Variants in DNAH6 observed in about 807,000 individuals in gnomAD.
The protein encoded by DNAH6 is dynein axonemal heavy chain 6.
DNAH6 carries 340 observed loss-of-function variants against 491.4 expected under a neutral mutation model. The observed-to-expected ratio is 0.69, with a 90% CI of 0.63 to 0.76. The LOEUF (loss-of-function observed/expected upper bound fraction) is 0.76, where lower values mean the gene tolerates loss of function less well. Among genes scored for constraint, DNAH6 ranks in the 30% least tolerant of loss-of-function variants. The pLI, the probability that DNAH6 is intolerant of heterozygous loss-of-function variation, is 0.00. For synonymous variants in DNAH6, 1,603 were observed against 1,686.1 expected (o/e 0.95, Z 1.21); for missense variants, 4,443 against 4,972.2 (o/e 0.89, Z 3.20).
intron 29 of DNAH6, among the ~76,000 whole-genome samples, chr2:84,633,304 A>G (rs1313195572): frequency 6.6e-6 from 1 of 151,924 alleles, no homozygotes; most frequent in East Asian, 1.9e-4. Flanking sequence ...GTATCTCCTA[A>G]TATTAATATC....
intron 18 of DNAH6, among the ~76,000 whole-genome samples, chr2:84,603,636 C>G (rs754654586): frequency 2.0e-5 from 3 of 152,184 alleles, no homozygotes; most frequent in South Asian, 2.1e-4. Flanking sequence ...GCTCCTCCCC[C>G]TTTTCCAGCT....
intron 48 of DNAH6, 106 bp from the exon 49 acceptor site, chr2:84,700,991 G>C: frequency 3.1e-6 from 4 of 1,280,328 alleles, no homozygotes; most frequent in Non-Finnish European, 4.3e-6. Context: ...AGGTGAAGAG[G>C]GGACTGGGCA....
At chr2:84,465,124 C>T in the DNAH6 span, among the ~76,000 whole-genome samples, 2 of 152,108 alleles carry the variant, frequency 1.3e-5, no homozygotes, top group African/African-American at 4.8e-5. Flanking sequence ...CAGAAGGCCT[C>T]GTTATGGTAA....
intron 31 of DNAH6, 25 bp from the exon 32 acceptor site, chr2:84,640,405 C>A (rs1689278165): frequency 3.0e-6 from 4 of 1,336,244 alleles, no homozygotes; most frequent in Non-Finnish European, 3.1e-6. Flanking sequence ...ATATAATAAG[C>A]ATTGCATTAT....
chr2:84,559,148 A>C (rs560480135), intron 11 of DNAH6, among the ~76,000 whole-genome samples: 2 of 152,082 alleles, frequency 1.3e-5, no homozygotes, highest in Non-Finnish European at 2.9e-5. Context: ...CAGTTAATCT[A>C]AGGAGCTGAG....
chr2:84,733,710 T>A, intron 62 of DNAH6, 131 bp downstream of exon 62: 1 of 890,904 alleles, frequency 1.1e-6, no homozygotes, highest in Non-Finnish European at 1.6e-6. Flanking sequence ...TCTAAGAAAC[T>A]GTAAATTATT....
In DNAH6 at chr2:84,707,583, A is replaced by AAGATG. The variant is rs1272068780; in HGVS notation, c.8918_8922dup (p.Gln2975MetfsTer26). 1.3e-6 allele frequency: 2 copies of AAGATG among 1,552,132 alleles called. No homozygotes were observed. The highest frequency in any genetic ancestry group is 2.4e-5 in the South Asian group (2 of 84,070). ...GCTGGAAAGCTGACAGCAGCATTAG[A>AAGATG]AGATGAGCAGGTTCGATGGGAAGAA... On this transcript the variant is annotated frameshift_variant, in exon 54 of 77. Coordinates refer to ENST00000389394, the MANE Select transcript of DNAH6 (RefSeq NM_001370.2). LOFTEE classifies it high-confidence loss of function.
Position 84,653,692 on chromosome 2 carries a change from G to A in DNAH6, c.5452G>A (p.Ala1818Thr). Residue 1818 changes from alanine (A) to threonine (T), a missense_variant, in exon 34 of 77, where the codon GCA (alanine) becomes ACA (threonine). This residue lies in a region of DNAH6 where 2,977 missense variants were observed against 3,296.6 expected (regional missense o/e 0.90). Transcript: ENST00000389394. ...CTTGGAATGGAAAGATGGTTTGATG[G>A]CACTAAGTGTCCGAGCAGCTGTGAA... ...LTLEWKDGLMALSVRAAVNDT... is the reference protein window; with the variant it reads ...LTLEWKDGLMTLSVRAAVNDT... 6.4e-7 allele frequency: 1 copy of A among 1,551,274 alleles called. No homozygotes were observed. The highest frequency in any genetic ancestry group is 8.7e-7 in the Non-Finnish European group (1 of 1,146,718).
chr2:84,815,877 A>T lies in DNAH6; in HGVS notation c.12167A>T (p.Asp4056Val). 6.4e-7 allele frequency: 1 copy of T among 1,551,034 alleles called. No homozygotes were observed. Among genetic ancestry groups the T allele is most frequent in the Non-Finnish European group, 8.7e-7 (1 of 1,146,706 alleles). Residue 4056 changes from aspartate to valine, a missense_variant, in exon 76 of 77, where the codon GAT becomes GTT. Coordinates refer to ENST00000389394, the MANE Select transcript of DNAH6 (RefSeq NM_001370.2). ...ATCTTTCAGTTGCCCTCTCCTGAGG[A>T]TGGTGTTCTTGTTCATGGGATGTTC... Reference protein sequence around the residue: ...PMDMELPSPEDGVLVHGMFMD... With the variant: ...PMDMELPSPEVGVLVHGMFMD...
chr2:84,805,055 C>T (rs755902132), intron 70 of DNAH6, among the ~76,000 whole-genome samples: 1 of 152,060 alleles, frequency 6.6e-6, no homozygotes, highest in African/African-American at 2.4e-5. Context: ...TAAAGCAATC[C>T]CTTTTGGGCT....
intron 49 of DNAH6, among the ~76,000 whole-genome samples, chr2:84,703,053 A>T (rs1000480010): frequency 5.3e-5 from 8 of 152,144 alleles, no homozygotes; most frequent in African/African-American, 1.9e-4. Context: ...GCCTCCAGGG[A>T]TTCACATCTG....
intron 33 of DNAH6, among the ~76,000 whole-genome samples, chr2:84,651,743 C>CT (rs1434130489): frequency 6.6e-6 from 1 of 152,022 alleles, no homozygotes; most frequent in Non-Finnish European, 1.5e-5. Context: ...TCAGAGTCTT[C>CT]TTTTATTTAT....
chr2:84,703,649 TTA>T (rs1696148207), intron 50 of DNAH6, 87 bp downstream of exon 50: 2 of 1,166,038 alleles, frequency 1.7e-6, no homozygotes, highest in Non-Finnish European at 2.3e-6. Context: ...GATTTTTTTA[TTA>T]TATATGTTAT....
chr2:84,495,859 T>C, the DNAH6 span, among the ~76,000 whole-genome samples: 1 of 152,200 alleles, frequency 6.6e-6, no homozygotes, highest in Non-Finnish European at 1.5e-5. Flanking sequence ...GAGAGGTGAT[T>C]GGTCACAGAC....
At chr2:84,765,261 G>T (rs1674970289) in intron 64 of DNAH6, among the ~76,000 whole-genome samples, 1 of 152,050 alleles carries the variant, frequency 6.6e-6, no homozygotes, top group African/African-American at 2.4e-5. Context: ...TGAGAGAGAA[G>T]TAAACAAGGA....
intron 49 of DNAH6, among the ~76,000 whole-genome samples, chr2:84,702,577 C>G (rs1696026311): frequency 7.0e-6 from 1 of 143,678 alleles, no homozygotes; most frequent in Admixed American, 7.1e-5. Flanking sequence ...GAGTCTCGCT[C>G]TGTCACCCAG....
Position 84,699,707 on chromosome 2 carries a change from T to A in DNAH6, c.7791T>A (p.Asn2597Lys). ...GCAGGATGTTTCCATCCCTTGTGAA[T>A]TGCTGCACCATTGACTGGTTTGTGC... The part of the protein sequence containing the change: ...SRCRMFPSLV[N>K]CCTIDWFVQW... The change falls in exon 48 of 77, where the codon AAT becomes AAA. Residue 2597 changes from asparagine (N) to lysine (K), a missense_variant. Physicochemically the swap from Asn to Lys is moderately conservative, Grantham distance 94. Coordinates refer to ENST00000389394, the MANE Select transcript of DNAH6 (RefSeq NM_001370.2). The A allele has an allele frequency of 6.4e-7, 1 of 1,551,716 alleles. No individual in the cohort carries two copies. Among genetic ancestry groups the A allele is most frequent in the Non-Finnish European group, 8.7e-7 (1 of 1,146,992 alleles).
At position 84,569,685 on chromosome 2, in the gene DNAH6, T is replaced by G. The variant is rs151058776; in HGVS notation, c.1804-3782T>G. The stretch of plus-strand genomic sequence containing the variant: ...ACTGCAGCAAATACTGAACTCTAGT[T>G]AGTAGGTTTGTTTTTTGCAGTGGTA... On this transcript the variant is annotated intron_variant, in intron 11 of 76. Coordinates refer to ENST00000389394, the MANE Select transcript of DNAH6 (RefSeq NM_001370.2). Among the ~76,000 whole-genome samples the G allele has an allele frequency of 2.1e-3, 327 of 152,234 alleles. 1 individual carries two copies. Among genetic ancestry groups the G allele is most frequent in the African/African-American group, 7.5e-3 (310 of 41,534 alleles).
At position 84,544,502 on chromosome 2, in the gene DNAH6, T is replaced by C; in HGVS notation, c.930+2T>C. ...AAAAATTTGTTCATTGTTAATCCTGTATGTATTTATCATTTATATTTTAAA... is the reference window on the plus strand; with the variant it reads ...AAAAATTTGTTCATTGTTAATCCTGCATGTATTTATCATTTATATTTTAAA... On this transcript the variant is annotated splice_donor_variant, in intron 5 of 76. Transcript: ENST00000389394. LOFTEE classifies it high-confidence loss of function. 1 of 1,376,372 alleles carries C rather than the reference T, an allele frequency of 7.3e-7. No individual in the cohort carries two copies. The highest frequency in any genetic ancestry group is 1.3e-5 in the South Asian group (1 of 74,556). The allele number at this position is 1,376,372 out of a possible 1,614,324, so 85.3% of individuals were successfully genotyped here.
Sources: gnomAD v4.1 joint callset for allele counts (sites outside exome capture counted in the v4.1 genomes callset) on GRCh38, gnomAD v4.1.1 for gene constraint, gnomAD v4.1.1 regional missense constraint, MANE v1.5 for transcripts, NCBI Gene and HGNC (gene_info 2026-07-23, HGNC 2026-07-21) for gene names.